Variants in EHD3 observed in about 807,000 individuals in gnomAD.
EHD3 encodes the protein EH domain containing 3.
A neutral mutation model predicts 43.0 loss-of-function variants in EHD3; 17 were observed. The observed-to-expected ratio is 0.40, with a 90% CI of 0.27 to 0.59. The LOEUF is 0.59. EHD3 is among the 20% of genes least tolerant of loss of function. The probability of loss-of-function intolerance (pLI) is 0.49; values close to 1 mark genes in which losing one functional copy is unlikely to be tolerated. For missense variants in EHD3, 594 were observed against 705.6 expected, an observed-to-expected ratio of 0.84 and a Z score of 1.79; for synonymous variants, 313 against 289.5, an observed-to-expected ratio of 1.08 and a Z score of -0.82.
chr2:31,235,831 A>G (rs956793705), intron 1 of EHD3, among the ~76,000 whole-genome samples: 5 of 152,290 alleles, frequency 3.3e-5, no homozygotes, highest in Middle Eastern at 3.4e-3. Flanking sequence ...CCAGTCCTCA[A>G]TCTTCCCAAC....
chr2:31,236,108 A>C (rs1046044919), intron 1 of EHD3, among the ~76,000 whole-genome samples: 5 of 152,188 alleles, frequency 3.3e-5, no homozygotes, highest in Non-Finnish European at 7.3e-5. Context: ...TCTAGTTACT[A>C]ATTTTCTAGG....
In EHD3 at chr2:31,260,664, C is replaced by T; in HGVS notation, c.657C>T (p.Asn219=). 1.9e-6 allele frequency: 3 copies of T among 1,614,212 alleles called. No homozygotes were observed. The highest frequency in any genetic ancestry group is 2.5e-6 in the Non-Finnish European group (3 of 1,180,042). Residue 219 remains asparagine, a synonymous_variant, in exon 4 of 6, where the codon AAC becomes AAT. Coordinates refer to ENST00000322054, the MANE Select transcript of EHD3 (RefSeq NM_014600.3). This position sits in a 1 kb window ranked among gnomAD's most constrained non-coding sequence, Gnocchi z 4.6. The stretch of plus-strand genomic sequence containing the variant: ...AGGACAAGATGCGAGTGGTGCTGAA[C>T]AAAGCTGACCAGATCGAGACGCAGC... ...NHEDKMRVVL[N]KADQIETQQL...
intron 1 of EHD3, among the ~76,000 whole-genome samples, chr2:31,240,677 A>C (rs1007131402): frequency 2.6e-5 from 4 of 152,184 alleles, no homozygotes; most frequent in Admixed American, 2.6e-4. Flanking sequence ...GCCTTCACTC[A>C]TCTGCTGAGA....
chr2:31,249,579 C>T (rs1418293779), intron 3 of EHD3, 111 bp downstream of exon 3: 36 of 941,138 alleles, frequency 3.8e-5, no homozygotes, highest in African/African-American at 9.8e-5. Flanking sequence ...CTTGGTGAGC[C>T]GGCACTTCTC....
chr2:31,260,029 T>C lies in EHD3; in HGVS notation c.503-481T>C, dbSNP rs6713105. 0.067 allele frequency among the ~76,000 whole-genome samples: 10,189 copies of C among 152,136 alleles called. 1,131 individuals are homozygous for C. The highest frequency in any genetic ancestry group is 0.23 in the African/African-American group (9,566 of 41,476). Reference sequence around the variant, plus strand: ...TCAGCCTGGCTAACATGGTTAAACCTGTCTCTACTAAAAACACAAAAATTA... The same window carrying C: ...TCAGCCTGGCTAACATGGTTAAACCCGTCTCTACTAAAAACACAAAAATTA... On this transcript the variant is annotated intron_variant, in intron 3 of 5. Coordinates refer to ENST00000322054, the MANE Select transcript of EHD3 (RefSeq NM_014600.3). The surrounding 1 kb of genome is among the most constrained non-coding windows in gnomAD (Gnocchi z 4.6).
chr2:31,244,495 T>C (rs1479202521), intron 2 of EHD3, 45 bp downstream of exon 2: 1 of 1,590,686 alleles, frequency 6.3e-7, no homozygotes, highest in Admixed American at 1.7e-5. Context: ...TCTCTTTTCT[T>C]CTTGGGGTAT....
At chr2:31,262,209 A>AT (rs1683870636) in intron 5 of EHD3, among the ~76,000 whole-genome samples, 1 of 152,224 alleles carries the variant, frequency 6.6e-6, no homozygotes, top group Non-Finnish European at 1.5e-5. Context: ...GCCAGTGGCC[A>AT]TCACACATGG....
At chr2:31,252,448 T>C (rs969424208) in intron 3 of EHD3, among the ~76,000 whole-genome samples, 1 of 152,180 alleles carries the variant, frequency 6.6e-6, no homozygotes, top group African/African-American at 2.4e-5. Context: ...TCTTTTCCTA[T>C]TTCTGTTTTT....
At chr2:31,264,213 T>C (rs1683902334) in intron 5 of EHD3, among the ~76,000 whole-genome samples, 1 of 152,244 alleles carries the variant, frequency 6.6e-6, no homozygotes, top group South Asian at 2.1e-4. Flanking sequence ...AGACCTAGCA[T>C]GTGACTGTAC....
chr2:31,259,223 T>C (rs1457003181), intron 3 of EHD3, among the ~76,000 whole-genome samples: 2 of 152,166 alleles, frequency 1.3e-5, no homozygotes, highest in Non-Finnish European at 2.9e-5. Context: ...GAGGAGAGGC[T>C]GAGAACCCTG....
chr2:31,250,194 T>C (rs965426848), intron 3 of EHD3, among the ~76,000 whole-genome samples: 1 of 152,146 alleles, frequency 6.6e-6, no homozygotes, highest in Non-Finnish European at 1.5e-5. Flanking sequence ...TAAAAAGCCT[T>C]TTCTGGTTGG....
rs1341602617 is a variant in EHD3, at chr2:31,243,455, TCTTTC to T, written c.228-818_228-814del. Among the ~76,000 whole-genome samples, 496 of 118,266 alleles carry T rather than the reference TCTTTC, an allele frequency of 4.2e-3. 8 individuals carry two copies. Among genetic ancestry groups the T allele is most frequent in the African/African-American group, 0.014 (424 of 29,410 alleles). The allele number at this position is 118,266 out of a possible 152,430, so 77.6% of individuals were successfully genotyped here. On this transcript the variant is annotated intron_variant, in intron 1 of 5. Transcript: ENST00000322054. ...TTCTTTCTTTCTTTCTTTCTTTCTT[TCTTTC>T]TTTTTTTTTTTTTGAGACAGAGTTT...
At position 31,249,466 on chromosome 2, in the gene EHD3, G is replaced by T; in HGVS notation, c.500G>T (p.Arg167Leu). 6.2e-7 allele frequency: 1 copy of T among 1,614,024 alleles called. No individual in the cohort carries two copies. The highest frequency in any genetic ancestry group is 8.5e-7 in the Non-Finnish European group (1 of 1,179,924). Residue 167 changes from arginine (R) to leucine (L), a missense_variant and splice_region_variant, in exon 3 of 6, where the codon CGG becomes CTG. By Grantham distance (102) the Arg-to-Leu change is moderately radical. Around this residue, in one of 3 missense-constraint regions of EHD3, gnomAD observed 243 missense variants for 296.7 expected, o/e 0.82. Coordinates refer to ENST00000322054, the MANE Select transcript of EHD3 (RefSeq NM_014600.3). Reference protein sequence around the residue: ...ILSGEKQRISRGYDFAAVLEW... With the variant: ...ILSGEKQRISLGYDFAAVLEW... ...TCTGGGGAGAAGCAGAGGATCAGCC[G>T]GGGTAAGCAACCTGCCTGAGGGGTG...
chr2:31,261,063 G>A (rs1247540374), intron 4 of EHD3, 141 bp downstream of exon 4: 1 of 954,884 alleles, frequency 1.0e-6, no homozygotes, highest in Non-Finnish European at 1.5e-6. Flanking sequence ...CGGGAGCCAT[G>A]GTTACAAGCT....
intron 3 of EHD3, among the ~76,000 whole-genome samples, chr2:31,250,412 G>A (rs978292984): frequency 3.3e-5 from 5 of 151,772 alleles, no homozygotes; most frequent in Admixed American, 6.6e-5. Flanking sequence ...GATTACAGGC[G>A]TGCACCACCA....
rs1326917167 is a variant in EHD3 at position 31,234,429 on chromosome 2, C to G, written c.-193C>G. The G allele has an allele frequency of 4.9e-6, 3 of 609,202 alleles. No homozygotes were observed. The highest frequency in any genetic ancestry group is 8.6e-6 in the Non-Finnish European group (3 of 349,234). The allele number at this position is 609,202 out of a possible 1,614,324, so 37.7% of individuals were successfully genotyped here. On this transcript the variant is annotated 5_prime_UTR_variant, in exon 1 of 6. Coordinates refer to ENST00000322054, the MANE Select transcript of EHD3 (RefSeq NM_014600.3). ...GCTGCTGGATGCAGCAGCGGCTGGG[C>G]TTGGTCCCAGGAGCAGGGAGAGTGC...
chr2:31,239,678 T>G (rs746527250), intron 1 of EHD3, among the ~76,000 whole-genome samples: 9 of 152,178 alleles, frequency 5.9e-5, no homozygotes, highest in Non-Finnish European at 1.3e-4. Context: ...CCACCTCCCC[T>G]TTCTGACCCG....
chr2:31,263,214 C>T (rs1443555909), intron 5 of EHD3, among the ~76,000 whole-genome samples: 3 of 152,208 alleles, frequency 2.0e-5, no homozygotes, highest in Non-Finnish European at 4.4e-5. Context: ...TTGCGGGTTT[C>T]CCGGTCCTTG....
At chr2:31,247,097 A>G (rs1016084280) in intron 2 of EHD3, among the ~76,000 whole-genome samples, 2 of 152,120 alleles carry the variant, frequency 1.3e-5, no homozygotes, top group South Asian at 2.1e-4. Context: ...GGGTTTCACC[A>G]TGTTGGCCAG....
Sources: gnomAD v4.1 joint callset for allele counts (sites outside exome capture counted in the v4.1 genomes callset) on GRCh38, gnomAD v4.1.1 for gene constraint, gnomAD v4.1.1 regional missense constraint, Gnocchi (gnomAD v3.1) non-coding constraint, MANE v1.5 for transcripts, NCBI Gene and HGNC (gene_info 2026-07-23, HGNC 2026-07-21) for gene names.